Variants in RASAL1 observed in about 807,000 individuals in gnomAD.
The protein encoded by RASAL1 is rasGAP-activating-like protein 1.
Under a neutral mutation model 96.6 loss-of-function variants are expected in RASAL1, and 72 were observed. That is an observed-to-expected ratio of 0.75 (90% confidence interval 0.62 to 0.91). The LOEUF (loss-of-function observed/expected upper bound fraction) is 0.91. Among genes scored for constraint, RASAL1 ranks in the 40% least tolerant of loss-of-function variants. The pLI is 0.00. For missense variants in RASAL1, 1,016 were observed against 1,072.5 expected (o/e 0.95, Z 0.74); for synonymous variants, 405 against 430.4 (o/e 0.94, Z 0.73).
At chr12:113,128,275 CA>C in intron 2 of RASAL1, 97 bp from the exon 3 acceptor site, 1 of 706,176 alleles carries the variant, frequency 1.4e-6, no homozygotes. Flanking sequence ...CACACACACA[CA>C]CACACGGGAA....
chr12:113,122,490 ATTTTTTGTG>A (rs1337494299), intron 4 of RASAL1, among the ~76,000 whole-genome samples: 1 of 151,930 alleles, frequency 6.6e-6, no homozygotes, highest in Non-Finnish European at 1.5e-5. Flanking sequence ...CAGCTAGCTA[ATTTTTTGTG>A]TTTTTTGTAG....
chr12:113,124,239 A>AAT (rs377263513), intron 4 of RASAL1, among the ~76,000 whole-genome samples: 15,249 of 137,144 alleles, frequency 0.11, 1,053 homozygotes, highest in Middle Eastern at 0.21. Context: ...AAAAAAAAAA[A>AAT]GTTACCACAA....
At position 113,103,966 on chromosome 12, in the gene RASAL1, C is replaced by G; in HGVS notation, c.2084G>C (p.Cys695Ser). The change falls in exon 18 of 21, where the codon TGC (cysteine) becomes TCC (serine). Residue 695 changes from cysteine to serine, a missense_variant. Physicochemically the swap from Cys to Ser is moderately radical, Grantham distance 112 (BLOSUM62 -1). Transcript: ENST00000548055. ...CTCACCTGAGCGCTCAGCCTGGAGG[C>G]AGCAGGTCCAGCGCGCGCTGCGGAA... Reference protein sequence around the residue: ...GAFRSARWTCCLQAERSAAGC... With the variant: ...GAFRSARWTCSLQAERSAAGC... 6.4e-7 allele frequency: 1 copy of G among 1,560,484 alleles called. No homozygotes were observed. The highest frequency in any genetic ancestry group is 8.7e-7 in the Non-Finnish European group (1 of 1,153,424).
rs1951187327 is a variant in RASAL1, at chr12:113,119,009, C to A, written c.642+119G>T. The A allele has an allele frequency of 2.3e-6, 3 of 1,290,076 alleles. No homozygotes were observed. In the South Asian group the frequency reaches 4.4e-5, roughly 19 times the overall value. 79.9% of individuals were successfully genotyped at this position (1,290,076 alleles called of 1,614,324 possible). On this transcript the variant is annotated intron_variant, in intron 7 of 20. Coordinates refer to ENST00000548055, the MANE Select transcript of RASAL1 (RefSeq NM_001301202.2). ...AACACTCAGGCCTAACCAGGGGAAC[C>A]TGATGAGGCAGCTGTACATCCACCC...
At chr12:113,113,365 C>T (rs7963750) in intron 12 of RASAL1, among the ~76,000 whole-genome samples, 16,692 of 152,152 alleles carry the variant, frequency 0.11, 1,105 homozygotes, top group Middle Eastern at 0.19. Context: ...GGGGAGATGG[C>T]ACAGCTGAGA....
rs181553902 is a variant in RASAL1 at position 113,105,942 on chromosome 12, C to T, written c.1658-56G>A. On this transcript the variant is annotated intron_variant, in intron 15 of 20. Transcript: ENST00000548055. ...GTGAGCCCTCCCTAACCAGGCTCACCTTGCTCCACTAGCATGCCCAGGGAG... is the reference window on the plus strand; with the variant it reads ...GTGAGCCCTCCCTAACCAGGCTCACTTTGCTCCACTAGCATGCCCAGGGAG... 4,920 of 1,529,356 alleles carry T rather than the reference C, an allele frequency of 3.2e-3. 8 individuals are homozygous for T. Among genetic ancestry groups the T allele is most frequent in the Non-Finnish European group, 4.1e-3 (4,639 of 1,121,216 alleles). The allele number at this position is 1,529,356 out of a possible 1,614,324, so 94.7% of individuals were successfully genotyped here.
At chr12:113,121,708 T>A in intron 4 of RASAL1, 70 bp from the exon 5 acceptor site, 1 of 1,533,010 alleles carries the variant, frequency 6.5e-7, no homozygotes, top group Non-Finnish European at 8.9e-7. Context: ...ACTTAAAAAT[T>A]CAATTAACAT....
At chr12:113,108,501 G>A (rs548783261) in intron 13 of RASAL1, among the ~76,000 whole-genome samples, 109 of 152,366 alleles carry the variant, frequency 7.2e-4, no homozygotes, top group African/African-American at 2.6e-3. Flanking sequence ...ACAGCCCTAA[G>A]AGGGAGGCAC....
At position 113,115,623 on chromosome 12, in the gene RASAL1, C is replaced by T. The variant is rs373894554; in HGVS notation, c.1003+12G>A. 1.3e-5 allele frequency: 21 copies of T among 1,611,102 alleles called. No individual in the cohort carries two copies. Among genetic ancestry groups the T allele is most frequent in the Admixed American group, 3.3e-5 (2 of 59,852 alleles). On this transcript the variant is annotated intron_variant, in intron 10 of 20. Transcript: ENST00000548055. This position sits in a 1 kb window ranked among gnomAD's most constrained non-coding sequence, Gnocchi z 4.1. ...GAGGGCGGTGATGTCGGGGGTTGTG[C>T]GGGCAACTCACTGGTCCGAGCCACC...
intron 1 of RASAL1, among the ~76,000 whole-genome samples, chr12:113,134,452 C>T (rs1373023362): frequency 6.6e-6 from 1 of 152,200 alleles, no homozygotes; most frequent in East Asian, 1.9e-4. Flanking sequence ...ACAGGTCCTC[C>T]ACCCTCCCAG....
At position 113,099,981 on chromosome 12, in the gene RASAL1, T is replaced by A; in HGVS notation, c.2366A>T (p.Glu789Val). The change falls in exon 21 of 21, where the codon GAG (glutamate) becomes GTG (valine). Residue 789 changes from glutamate to valine, a missense_variant. Coordinates refer to ENST00000548055, the MANE Select transcript of RASAL1 (RefSeq NM_001301202.2). ...CTTCCCTCGCTCCTGCTGCTGGAAC[T>A]CCTCGTGGGCACGATCCAGGTCTGC... is the stretch of plus-strand genomic sequence containing the variant. Reference protein sequence around the residue: ...VLADLDRAHEEFQQQERGKAA... With the variant: ...VLADLDRAHEVFQQQERGKAA... The A allele has an allele frequency of 6.2e-7, 1 of 1,613,726 alleles. No homozygotes were observed. The highest frequency in any genetic ancestry group is 8.5e-7 in the Non-Finnish European group (1 of 1,179,740).
At position 113,118,383 on chromosome 12, in the gene RASAL1, G is replaced by A. The variant is rs567559871; in HGVS notation, c.642+745C>T. Among the ~76,000 whole-genome samples the A allele has an allele frequency of 1.6e-4, 24 of 152,148 alleles. No individual in the cohort carries two copies. The East Asian group carries it at 2.7e-3, about 17-fold the overall frequency. On this transcript the variant is annotated intron_variant, in intron 7 of 20. Transcript: ENST00000548055. ...TGGCTGAATAATATTCCATTGTATC[G>A]ATAGACCACATTTTGTTTATCTATA...
rs2136073778 is a variant in RASAL1, at chr12:113,099,385, A to AC, written c.*543dup. On this transcript the variant is annotated 3_prime_UTR_variant, in exon 21 of 21. Transcript: ENST00000548055. Reference sequence around the variant, plus strand: ...CAAGGGTCTGAGTTTGGCACACTGGACCCCCACCCAGCCTTGGTTCTTCCT... The same window carrying AC: ...CAAGGGTCTGAGTTTGGCACACTGGACCCCCCACCCAGCCTTGGTTCTTCCT... 6.6e-6 allele frequency: 1 copy of AC among 152,166 alleles called. No homozygotes were observed. The highest frequency in any genetic ancestry group is 2.4e-5 in the African/African-American group (1 of 41,486). The allele number at this position is 152,166 out of a possible 1,614,324, so 9.4% of individuals were successfully genotyped here.
At chr12:113,126,551 G>A (rs770701341) in intron 4 of RASAL1, among the ~76,000 whole-genome samples, 11 of 152,092 alleles carry the variant, frequency 7.2e-5, no homozygotes, top group Non-Finnish European at 1.3e-4. Context: ...GTGTGGTGGT[G>A]CACGCCTGTA....
chr12:113,134,988 G>T (rs1951858618), intron 1 of RASAL1, among the ~76,000 whole-genome samples: 1 of 152,094 alleles, frequency 6.6e-6, no homozygotes, highest in Non-Finnish European at 1.5e-5. Context: ...TCCTCCCCAG[G>T]GTTCCCTTGC....
rs376406753 is a variant in RASAL1, at chr12:113,115,612, C to A, written c.1003+23G>T. ...AGCCCACCATTGAGGGCGGTGATGT[C>A]GGGGGTTGTGCGGGCAACTCACTGG... On this transcript the variant is annotated intron_variant, in intron 10 of 20. Transcript: ENST00000548055. This position sits in a 1 kb window ranked among gnomAD's most constrained non-coding sequence, Gnocchi z 4.1. 1.2e-6 allele frequency: 2 copies of A among 1,609,940 alleles called. No individual in the cohort carries two copies. Among genetic ancestry groups the A allele is most frequent in the East Asian group, 2.2e-5 (1 of 44,848 alleles).
intron 16 of RASAL1, 136 bp downstream of exon 16, chr12:113,105,578 T>G: frequency 1.1e-6 from 1 of 939,262 alleles, no homozygotes; most frequent in Non-Finnish European, 1.6e-6. Context: ...GTCCTGAGAG[T>G]TTGTCGTTGT....
In RASAL1 at chr12:113,129,857, C is replaced by T. The variant is rs2136255653; in HGVS notation, c.122+1028G>A. Among the ~76,000 whole-genome samples the T allele has an allele frequency of 6.6e-6, 1 of 152,334 alleles. No homozygotes were observed. Among genetic ancestry groups the T allele is most frequent in the South Asian group, 2.1e-4 (1 of 4,828 alleles). On this transcript the variant is annotated intron_variant, in intron 2 of 20. Transcript: ENST00000548055. This position sits in a 1 kb window ranked among gnomAD's most constrained non-coding sequence, Gnocchi z 5.0. Reference sequence around the variant, plus strand: ...CCAGCCAAAGGTCTTCTGAACATTCCCCAGCTCCTGAGCTGAAAGGCTTCT... The same window carrying T: ...CCAGCCAAAGGTCTTCTGAACATTCTCCAGCTCCTGAGCTGAAAGGCTTCT...
At chr12:113,123,877 C>A (rs1332670529) in intron 4 of RASAL1, among the ~76,000 whole-genome samples, 1 of 152,130 alleles carries the variant, frequency 6.6e-6, no homozygotes, top group Non-Finnish European at 1.5e-5. Flanking sequence ...GCTATTCCAC[C>A]CAGTCTCATG....
Sources: gnomAD v4.1 joint callset for allele counts (sites outside exome capture counted in the v4.1 genomes callset) on GRCh38, gnomAD v4.1.1 for gene constraint, Gnocchi (gnomAD v3.1) non-coding constraint, MANE v1.5 for transcripts, NCBI Gene and HGNC (gene_info 2026-07-23, HGNC 2026-07-21) for gene names.